The following ADAMTSL3 variants were observed in gnomAD, a reference collection of about 807,000 sequenced individuals.
ADAMTSL3 encodes ADAMTS like 3.
ADAMTSL3 carries 128 observed loss-of-function variants against 201.7 expected under a neutral mutation model. The observed-to-expected ratio is 0.63, with a 90% CI of 0.55 to 0.73. The LOEUF is 0.73. Ranked by LOEUF, ADAMTSL3 falls within the 30% of genes least tolerant of loss-of-function variation. The probability of loss-of-function intolerance (pLI) is 0.00; values close to 1 mark genes in which losing one functional copy is unlikely to be tolerated. For missense variants in ADAMTSL3, 1,990 were observed against 2,119.6 expected (o/e 0.94, Z 1.20); for synonymous variants, 738 against 748.4 (o/e 0.99, Z 0.23).
chr15:83,798,909 A>T (rs1465182042), intron 4 of ADAMTSL3, among the ~76,000 whole-genome samples: 1 of 151,812 alleles, frequency 6.6e-6, no homozygotes, highest in East Asian at 1.9e-4. Context: ...CTTTAATAAG[A>T]TTATTTCGGA....
chr15:83,839,887 C>T (rs895197687), intron 7 of ADAMTSL3, among the ~76,000 whole-genome samples: 2 of 152,088 alleles, frequency 1.3e-5, no homozygotes, highest in African/African-American at 4.8e-5. Context: ...TTTATTCTCT[C>T]CAAAATTTTC....
intron 14 of ADAMTSL3, 136 bp downstream of exon 14, chr15:83,898,141 A>C: frequency 1.0e-6 from 1 of 968,450 alleles, no homozygotes; most frequent in Non-Finnish European, 1.5e-6. Context: ...AGACCTTCCC[A>C]TCTAGATAAA....
chr15:83,799,377 A>G (rs755221083), intron 4 of ADAMTSL3, among the ~76,000 whole-genome samples: 6 of 152,196 alleles, frequency 3.9e-5, no homozygotes, highest in Non-Finnish European at 5.9e-5. Flanking sequence ...ATTACTTTAA[A>G]TAGTCAGTTC....
chr15:83,864,354 A>G (rs917423498), intron 8 of ADAMTSL3, among the ~76,000 whole-genome samples: 23 of 152,218 alleles, frequency 1.5e-4, no homozygotes, highest in Admixed American at 2.6e-4. Flanking sequence ...CATCAATGCA[A>G]AAATCCTCAA....
intron 2 of ADAMTSL3, among the ~76,000 whole-genome samples, chr15:83,663,015 G>T (rs1362224078): frequency 1.3e-5 from 2 of 152,144 alleles, no homozygotes; most frequent in East Asian, 3.8e-4. Context: ...TGCTGCCGGG[G>T]TCTTCTCACC....
At chr15:83,923,582 C>T (rs2066187562) in intron 16 of ADAMTSL3, among the ~76,000 whole-genome samples, 1 of 152,152 alleles carries the variant, frequency 6.6e-6, no homozygotes, top group African/African-American at 2.4e-5. Context: ...GAACTCCTAG[C>T]TTTGAGTACA....
At chr15:83,709,775 CTT>C (rs2061908153) in intron 3 of ADAMTSL3, among the ~76,000 whole-genome samples, 2 of 152,068 alleles carry the variant, frequency 1.3e-5, no homozygotes. Context: ...TTTTATTTCT[CTT>C]TATTTTTAGC....
At chr15:83,904,873 T>C (rs1262483687) in intron 15 of ADAMTSL3, among the ~76,000 whole-genome samples, 1 of 152,204 alleles carries the variant, frequency 6.6e-6, no homozygotes, top group East Asian at 1.9e-4. Context: ...TCTCCATTTG[T>C]GGAGATTATA....
intron 27 of ADAMTSL3, 128 bp from the exon 28 acceptor site, chr15:84,031,207 C>A (rs1276572771): frequency 4.6e-6 from 4 of 872,462 alleles, no homozygotes; most frequent in African/African-American, 3.3e-5. Context: ...TTAACTCCCC[C>A]CTGGGGACAG....
intron 25 of ADAMTSL3, 85 bp downstream of exon 25, chr15:84,016,584 T>C (rs2068090960): frequency 8.6e-7 from 1 of 1,160,494 alleles, no homozygotes; most frequent in South Asian, 1.4e-5. Flanking sequence ...TCTGTATTTT[T>C]CACTTTGCAA....
rs2141754037 is a variant in ADAMTSL3 at position 83,773,647 on chromosome 15, G to A, written c.314G>A (p.Gly105Glu). 1 of 1,608,766 alleles carries A rather than the reference G, an allele frequency of 6.2e-7. No individual in the cohort carries two copies. Among genetic ancestry groups the A allele is most frequent in the Non-Finnish European group, 8.5e-7 (1 of 1,178,526 alleles). The change falls in exon 4 of 30, where the codon GGA (glycine) becomes GAA (glutamate). Residue 105 changes from glycine to glutamate, a missense_variant. Transcript: ENST00000286744. The part of the protein sequence containing the change: ...ASYSLRRCLT[G>E]RNCEGQNIRY... ...TATTCTCTGCGGAGATGTTTGACTG[G>A]AAGGTTAGTGGTGGCTTCACTTGCT...
chr15:83,654,790 A>G lies in ADAMTSL3; in HGVS notation c.-34+514A>G, dbSNP rs1443395423. Among the ~76,000 whole-genome samples, 1 of 152,124 alleles carries G rather than the reference A, an allele frequency of 6.6e-6. No homozygotes were observed. The highest frequency in any genetic ancestry group is 1.5e-5 in the Non-Finnish European group (1 of 68,004). Reference sequence around the variant, plus strand: ...GTGCACTCGGAAGGCTGGTGCGAGCAGGCGAGGGTGGCGCAGAGTCCCAGG... The same window carrying G: ...GTGCACTCGGAAGGCTGGTGCGAGCGGGCGAGGGTGGCGCAGAGTCCCAGG... On this transcript the variant is annotated intron_variant, in intron 1 of 29. Transcript: ENST00000286744. The surrounding 1 kb of genome is among the most constrained non-coding windows in gnomAD (Gnocchi z 5.3).
intron 2 of ADAMTSL3, among the ~76,000 whole-genome samples, chr15:83,697,837 C>A (rs2061707077): frequency 6.6e-6 from 1 of 152,128 alleles, no homozygotes; most frequent in Non-Finnish European, 1.5e-5. Context: ...TCTCCCTTCA[C>A]CAGAGGTTGG....
chr15:83,999,714 C>T (rs1465463978), intron 23 of ADAMTSL3, among the ~76,000 whole-genome samples: 12 of 152,102 alleles, frequency 7.9e-5, no homozygotes, highest in Admixed American at 7.9e-4. Context: ...CCTTTGATAT[C>T]TATGGGAGGA....
intron 5 of ADAMTSL3, among the ~76,000 whole-genome samples, chr15:83,810,402 A>G (rs576101929): frequency 6.6e-6 from 1 of 152,338 alleles, no homozygotes; most frequent in Admixed American, 6.5e-5. Context: ...CCTTCCTTTT[A>G]AACAAGCATG....
intron 4 of ADAMTSL3, among the ~76,000 whole-genome samples, chr15:83,790,888 T>C (rs1181881302): frequency 6.6e-6 from 1 of 152,156 alleles, no homozygotes; most frequent in East Asian, 1.9e-4. Flanking sequence ...AATTTAAAAA[T>C]ACAGTGCCAT....
chr15:83,803,555 A>G (rs979102215), intron 4 of ADAMTSL3, among the ~76,000 whole-genome samples: 3 of 152,302 alleles, frequency 2.0e-5, no homozygotes, highest in African/African-American at 4.8e-5. Context: ...ATGTAACTCC[A>G]TTGAAAAATT....
At chr15:83,953,427 C>G (rs1435507716) in intron 19 of ADAMTSL3, among the ~76,000 whole-genome samples, 4 of 152,156 alleles carry the variant, frequency 2.6e-5, no homozygotes, top group Non-Finnish European at 4.4e-5. Context: ...AATGAAAACT[C>G]TATACTTTTA....
intron 6 of ADAMTSL3, among the ~76,000 whole-genome samples, chr15:83,826,847 T>A (rs1378776049): frequency 6.6e-6 from 1 of 152,102 alleles, no homozygotes; most frequent in Non-Finnish European, 1.5e-5. Context: ...AACTCATCCT[T>A]TTTTATGGCT....
Sources: gnomAD v4.1 joint callset for allele counts (sites outside exome capture counted in the v4.1 genomes callset) on GRCh38, gnomAD v4.1.1 for gene constraint, Gnocchi (gnomAD v3.1) non-coding constraint, MANE v1.5 for transcripts, NCBI Gene and HGNC (gene_info 2026-07-23, HGNC 2026-07-21) for gene names.